EGFR: variants seen among roughly 807,000 people sequenced by gnomAD.
EGFR encodes avian erythroblastic leukemia viral (v-erb-b) oncogene homolog.
EGFR carries 58 observed loss-of-function variants against 143.0 expected under a neutral mutation model. The ratio of observed to expected loss-of-function variants is 0.41; its 90% CI spans 0.33 to 0.50. EGFR has a LOEUF of 0.50. Ranked by LOEUF, EGFR falls within the 20% of genes least tolerant of loss-of-function variation. EGFR has a pLI of 0.39. For synonymous variants in EGFR, 613 were observed against 594.4 expected, an observed-to-expected ratio of 1.03 and a Z score of -0.45; for missense variants, 1,307 against 1,579.0, an observed-to-expected ratio of 0.83 and a Z score of 2.92.
At chr7:55,061,564 C>T (rs938280159) in intron 1 of EGFR, among the ~76,000 whole-genome samples, 7 of 149,656 alleles carry the variant, frequency 4.7e-5, no homozygotes, top group African/African-American at 1.7e-4. Flanking sequence ...GCCACATTTG[C>T]TGTGTGAAAG....
chr7:55,154,245 C>A (rs1311285736), intron 7 of EGFR, 93 bp downstream of exon 7: 1 of 1,587,388 alleles, frequency 6.3e-7, no homozygotes, highest in Non-Finnish European at 8.6e-7. Flanking sequence ...CTTGGAGAGT[C>A]TTTGGGTGGA....
chr7:55,172,003 G>T (rs1786373612), intron 16 of EGFR, among the ~76,000 whole-genome samples: 2 of 152,158 alleles, frequency 1.3e-5, no homozygotes, highest in African/African-American at 4.8e-5. Context: ...AGTGTCACAT[G>T]ATCGAGGAAG....
At chr7:55,039,714 G>T (rs1316215950) in intron 1 of EGFR, among the ~76,000 whole-genome samples, 2 of 152,120 alleles carry the variant, frequency 1.3e-5, no homozygotes, top group African/African-American at 2.4e-5. Context: ...AATAAATTGT[G>T]TACATCCCAT....
At chr7:55,022,279 A>G (rs1414631902) in intron 1 of EGFR, among the ~76,000 whole-genome samples, 2 of 152,122 alleles carry the variant, frequency 1.3e-5, no homozygotes, top group Non-Finnish European at 2.9e-5. Flanking sequence ...TCGAATTCCC[A>G]ACTGAGGGAG....
chr7:55,051,895 T>A (rs1788512110), intron 1 of EGFR, among the ~76,000 whole-genome samples: 1 of 152,196 alleles, frequency 6.6e-6, no homozygotes, highest in African/African-American at 2.4e-5. Flanking sequence ...CCCACAAATC[T>A]TTAGTTGTAG....
chr7:55,130,142 G>C (rs1793751732), intron 1 of EGFR, among the ~76,000 whole-genome samples: 1 of 152,124 alleles, frequency 6.6e-6, no homozygotes, highest in African/African-American at 2.4e-5. Context: ...GGCAAGCGCT[G>C]CTTCAGGCTC....
chr7:55,052,572 T>C (rs1217482205), intron 1 of EGFR, among the ~76,000 whole-genome samples: 1 of 152,234 alleles, frequency 6.6e-6, no homozygotes, highest in African/African-American at 2.4e-5. Context: ...AGTGCTGCCC[T>C]TCCCAGAAGC....
rs575583729 is a variant in EGFR, at chr7:55,116,686, C to T, written c.89-25600C>T. 2.0e-5 allele frequency among the ~76,000 whole-genome samples: 3 copies of T among 152,228 alleles called. No individual in the cohort carries two copies. In the East Asian group the frequency reaches 5.8e-4, roughly 29 times the overall value. ...GTGCTGCCTCCTGGGACAGGGCTAC[C>T]ACCATCCTAAGGCCAGCACGATGGG... On this transcript the variant is annotated intron_variant, in intron 1 of 27. Transcript: ENST00000275493.
chr7:55,169,170 G>A (rs1457532379), intron 15 of EGFR, among the ~76,000 whole-genome samples: 6 of 150,996 alleles, frequency 4.0e-5, no homozygotes, highest in East Asian at 2.0e-4. Context: ...CCGTGATCTT[G>A]GCTCACTGCA....
At chr7:55,020,128 G>A (rs1047454129) in intron 1 of EGFR, among the ~76,000 whole-genome samples, 1 of 152,242 alleles carries the variant, frequency 6.6e-6, no homozygotes, top group Non-Finnish European at 1.5e-5. Flanking sequence ...CAAAAGGCAG[G>A]TGGGGTCCGA....
At chr7:55,170,752 G>A in intron 15 of EGFR, 1 of 1,462,820 alleles carries the variant, frequency 6.8e-7, no homozygotes, top group Non-Finnish European at 9.0e-7. Context: ...CACAGAATTT[G>A]TCAGAAACCT....
At chr7:55,197,562 A>C (rs972070459) in intron 22 of EGFR, among the ~76,000 whole-genome samples, 3 of 152,174 alleles carry the variant, frequency 2.0e-5, no homozygotes, top group African/African-American at 7.2e-5. Context: ...AGGAGTGTTG[A>C]GAGAGGGAAT....
chr7:55,172,891 A>T lies in EGFR; in HGVS notation c.1920-92A>T, dbSNP rs541315765. ...TTCCAAGATCATTCTACAAGATGTC[A>T]GTGCACTGAAACATGCAGGGGCGTG... is the stretch of plus-strand genomic sequence containing the variant. On this transcript the variant is annotated intron_variant, in intron 16 of 27. Coordinates refer to ENST00000275493, the MANE Select transcript of EGFR (RefSeq NM_005228.5). The T allele has an allele frequency of 3.1e-6, 5 of 1,611,664 alleles. No individual in the cohort carries two copies. In the South Asian group the frequency reaches 5.5e-5, roughly 18 times the overall value.
Position 55,211,174 on chromosome 7 carries a change from G to T in EGFR, c.*5557G>T, listed in dbSNP as rs565160902. 1 of 152,230 alleles carries T rather than the reference G, an allele frequency of 6.6e-6. No homozygotes were observed. The highest frequency in any genetic ancestry group is 2.1e-4 in the South Asian group (1 of 4,820). The allele number at this position is 152,230 out of a possible 1,614,324, so 9.4% of individuals were successfully genotyped here. A position where few individuals can be genotyped will look rare whatever the true frequency, so the allele number is the denominator to read the frequency against. On this transcript the variant is annotated 3_prime_UTR_variant, in exon 28 of 28. Transcript: ENST00000275493. ...AGAAGCTCCACCCTATCACCTAGCA[G>T]ATAAAACTATGGGGAAAACTTAAAT... is the stretch of plus-strand genomic sequence containing the variant.
chr7:55,155,596 T>C (rs1441228677), intron 7 of EGFR, among the ~76,000 whole-genome samples: 1 of 152,216 alleles, frequency 6.6e-6, no homozygotes, highest in Non-Finnish European at 1.5e-5. Flanking sequence ...GGACCCAGTG[T>C]TTCCTGCCAT....
At chr7:55,043,125 G>A (rs1787995252) in intron 1 of EGFR, among the ~76,000 whole-genome samples, 3 of 152,110 alleles carry the variant, frequency 2.0e-5, no homozygotes, top group South Asian at 2.1e-4. Context: ...CGCGTTCAAG[G>A]TGGCATGGCC....
chr7:55,106,638 A>C (rs1792148900), intron 1 of EGFR, among the ~76,000 whole-genome samples: 1 of 152,222 alleles, frequency 6.6e-6, no homozygotes, highest in Non-Finnish European at 1.5e-5. Flanking sequence ...GTAGAGACTT[A>C]AAGTAAAACT....
intron 11 of EGFR, 54 bp from the exon 12 acceptor site, chr7:55,160,085 G>C (rs1785618750): frequency 1.3e-6 from 2 of 1,592,598 alleles, no homozygotes; most frequent in South Asian, 1.1e-5. Context: ...AGTTTTCAGG[G>C]ATACATTGTT....
In EGFR at chr7:55,069,176, T is replaced by C. The variant is rs375094137; in HGVS notation, c.88+49811T>C. 7.0e-4 allele frequency among the ~76,000 whole-genome samples: 107 copies of C among 152,338 alleles called. 2 individuals carry two copies. In the South Asian group the frequency reaches 0.021, roughly 30 times the overall value. On this transcript the variant is annotated intron_variant, in intron 1 of 27. Coordinates refer to ENST00000275493, the MANE Select transcript of EGFR (RefSeq NM_005228.5). ...AATAAACCTAGCAAATGCTCTATGG[T>C]TAATTTTTTTCTAAAATTCAGATAA...
Sources: allele counts gnomAD v4.1 joint callset (sites outside exome capture counted in the v4.1 genomes callset), GRCh38; gene constraint gnomAD v4.1.1; transcripts MANE v1.5; gene names NCBI Gene and HGNC (gene_info 2026-07-23, HGNC 2026-07-21).